SARDH: variants seen among roughly 807,000 people sequenced by gnomAD.
SARDH encodes sarcosine dehydrogenase, mitochondrial.
SARDH carries 95 observed loss-of-function variants against 109.1 expected under a neutral mutation model. That is an observed-to-expected ratio of 0.87 (90% CI 0.74 to 1.03). The LOEUF is 1.03. SARDH is among the 50% of genes least tolerant of loss of function. The probability of loss-of-function intolerance (pLI) is 0.00; values close to 1 mark genes in which losing one functional copy is unlikely to be tolerated. For missense variants in SARDH, 1,267 were observed against 1,287.8 expected, an observed-to-expected ratio of 0.98 and a Z score of 0.25; for synonymous variants, 572 against 534.8, an observed-to-expected ratio of 1.07 and a Z score of -0.96.
In SARDH at chr9:133,694,305, C is replaced by A. The variant is rs762509323; in HGVS notation, c.1874G>T (p.Arg625Leu). 110 of 1,550,374 alleles carry A rather than the reference C, an allele frequency of 7.1e-5. No individual in the cohort carries two copies. Among genetic ancestry groups the A allele is most frequent in the Non-Finnish European group, 9.5e-5 (109 of 1,146,920 alleles). ...GGTESDLTVS[R>L]LAPSHQASPL... The stretch of plus-strand genomic sequence containing the variant: ...GGAGGCCTGGTGGCTGGGTGCCAGG[C>A]GGCTGACAGTCAGGTCACTCTCGGT... The change falls in exon 15 of 21, where the codon CGC (arginine) becomes CTC (leucine). Residue 625 changes from arginine to leucine, a missense_variant. Physicochemically the swap from Arg to Leu is moderately radical, Grantham distance 102 (BLOSUM62 -2). Coordinates refer to ENST00000439388, the MANE Select transcript of SARDH (RefSeq NM_001134707.2).
At position 133,734,110 on chromosome 9, in the gene SARDH, C is replaced by A. The variant is rs35559818; in HGVS notation, c.64G>T (p.Gly22Cys). 2.4e-3 allele frequency: 3,896 copies of A among 1,612,084 alleles called. 83 individuals are homozygous for A. The African/African-American group carries it at 0.043, about 18-fold the overall frequency. Residue 22 changes from glycine (G) to cysteine (C), a missense_variant, in exon 2 of 21, where the codon GGC (glycine) becomes TGC (cysteine). Coordinates refer to ENST00000439388, the MANE Select transcript of SARDH (RefSeq NM_001134707.2). ...CTGGACAGGTTGCATGGCCCCATGCCCCGGGTAGGGCTCTGGCGAGGGTGG... is the reference window on the plus strand; with the variant it reads ...CTGGACAGGTTGCATGGCCCCATGCACCGGGTAGGGCTCTGGCGAGGGTGG... ...AAHPRQSPTR[G>C]MGPCNLSSAA...
chr9:133,732,345 A>G (rs1256123607), intron 3 of SARDH, 78 bp downstream of exon 3: 4 of 538,176 alleles, frequency 7.4e-6, no homozygotes, highest in Non-Finnish European at 1.2e-5. Context: ...CAGGGGGTGC[A>G]CCCACCAATA....
chr9:133,733,228 A>C (rs983912344), intron 2 of SARDH, among the ~76,000 whole-genome samples: 1 of 152,186 alleles, frequency 6.6e-6, no homozygotes, highest in Non-Finnish European at 1.5e-5. Flanking sequence ...TCCCAACTCC[A>C]CAGTCAGTGA....
chr9:133,660,267 T>C (rs1444685683), downstream of SARDH, among the ~76,000 whole-genome samples: 1 of 152,018 alleles, frequency 6.6e-6, no homozygotes. Context: ...GCCATGTAGT[T>C]TCTGTTTCCA....
intron 17 of SARDH, among the ~76,000 whole-genome samples, chr9:133,673,226 C>T (rs1253885836): frequency 1.3e-5 from 2 of 152,264 alleles, no homozygotes; most frequent in Admixed American, 6.5e-5. Flanking sequence ...ATTTTCCTCA[C>T]ACACTTGGTT....
chr9:133,725,876 G>A (rs1832472907), intron 6 of SARDH, among the ~76,000 whole-genome samples: 1 of 152,264 alleles, frequency 6.6e-6, no homozygotes, highest in South Asian at 2.1e-4. Context: ...CCCAGAACTG[G>A]AGATGAGCAC....
At chr9:133,726,836 T>C in intron 6 of SARDH, among the ~76,000 whole-genome samples, 1 of 152,184 alleles carries the variant, frequency 6.6e-6, no homozygotes, top group East Asian at 1.9e-4. Flanking sequence ...TCTGTCCTTG[T>C]CCTTGTCATC....
chr9:133,680,736 G>C (rs1386853400), intron 17 of SARDH, among the ~76,000 whole-genome samples: 1 of 148,912 alleles, frequency 6.7e-6, no homozygotes, highest in African/African-American at 2.6e-5. Context: ...TCGTCCTCCA[G>C]ACACACGCAG....
chr9:133,660,651 T>G (rs1832401138), downstream of SARDH, among the ~76,000 whole-genome samples: 1 of 151,966 alleles, frequency 6.6e-6, no homozygotes, highest in African/African-American at 2.4e-5. Flanking sequence ...GGTCTCCCTA[T>G]CTGCCCACCG....
In SARDH at chr9:133,709,462, C is replaced by A. The variant is rs12350635; in HGVS notation, c.1329-1034G>T. Among the ~76,000 whole-genome samples, 2 of 152,274 alleles carry A rather than the reference C, an allele frequency of 1.3e-5. No individual in the cohort carries two copies. Among genetic ancestry groups the A allele is most frequent in the East Asian group, 3.9e-4 (2 of 5,162 alleles). ...TCAGCCCCCGGCTTTCCCAGCACCC[C>A]GCCTCCCCCTCACGCTCCACCTGCT... On this transcript the variant is annotated intron_variant, in intron 10 of 20. Transcript: ENST00000439388. This position sits in a 1 kb window ranked among gnomAD's most constrained non-coding sequence, Gnocchi z 4.2.
intron 17 of SARDH, 58 bp from the exon 18 acceptor site, chr9:133,671,755 C>T (rs1830360299): frequency 6.6e-7 from 1 of 1,508,078 alleles, no homozygotes; most frequent in Middle Eastern, 1.9e-4. Flanking sequence ...GGTCCAGGCC[C>T]AGGCCACCAC....
intron 17 of SARDH, among the ~76,000 whole-genome samples, chr9:133,683,829 C>T (rs1830784574): frequency 6.6e-6 from 1 of 152,230 alleles, no homozygotes; most frequent in East Asian, 1.9e-4. Context: ...ATTTCCCCAC[C>T]CAAACCCCAG....
chr9:133,697,277 G>C (rs1831319798), intron 13 of SARDH, among the ~76,000 whole-genome samples: 1 of 152,148 alleles, frequency 6.6e-6, no homozygotes, highest in African/African-American at 2.4e-5. Flanking sequence ...ACAAAAAAGA[G>C]ATGGAATTCG....
Position 133,663,989 on chromosome 9 carries a change from C to T in SARDH, c.2657G>A (p.Gly886Glu), listed in dbSNP as rs748271248. The T allele has an allele frequency of 1.2e-6, 2 of 1,614,152 alleles. No homozygotes were observed. Among genetic ancestry groups the T allele is most frequent in the Admixed American group, 1.7e-5 (1 of 60,026 alleles). ...CCCCATTCTCTCCAGGGCATAGTCC[C>T]CGCTCTTCACAAAGTCCAGCGAGAC... ...GPVSLDFVKS[G>E]DYALERMGVT... is the part of the protein sequence containing the mutation. The change falls in exon 21 of 21, where the codon GGG (glycine) becomes GAG (glutamate). Residue 886 changes from glycine (G) to glutamate (E), a missense_variant. By Grantham distance (98) the Gly-to-Glu change is moderately conservative. Transcript: ENST00000439388.
chr9:133,694,415 C>A (rs2131391980), intron 14 of SARDH, 44 bp from the exon 15 acceptor site: 4 of 1,487,594 alleles, frequency 2.7e-6, no homozygotes, highest in Non-Finnish European at 2.8e-6. Context: ...GAGGCCCCAG[C>A]CGGGTCTGTG....
At chr9:133,688,383 A>G (rs919365159) in intron 16 of SARDH, among the ~76,000 whole-genome samples, 2 of 146,174 alleles carry the variant, frequency 1.4e-5, no homozygotes, top group Non-Finnish European at 3.0e-5. Flanking sequence ...GGGTGCTATG[A>G]GCCTCGCCCA....
At chr9:133,684,394 T>C (rs1198226052) in intron 17 of SARDH, among the ~76,000 whole-genome samples, 1 of 152,220 alleles carries the variant, frequency 6.6e-6, no homozygotes, top group Admixed American at 6.5e-5. Flanking sequence ...GCTGTGATGT[T>C]CTCGGAACAG....
chr9:133,717,391 T>C lies in SARDH; in HGVS notation c.1085A>G (p.Glu362Gly). Residue 362 changes from glutamate (E) to glycine (G), a missense_variant, in exon 8 of 21, where the codon GAA (glutamate) becomes GGA (glycine). Transcript: ENST00000439388. ...LDWEVFTQHI[E>G]GAINRVPVLE... ...CACGGGGACCCTGTTGATGGCGCCT[T>C]CAATGTGCTGGGTGAACACCTCCCA... 1 of 1,614,108 alleles carries C rather than the reference T, an allele frequency of 6.2e-7. No homozygotes were observed. Among genetic ancestry groups the C allele is most frequent in the East Asian group, 2.2e-5 (1 of 44,874 alleles).
intron 13 of SARDH, among the ~76,000 whole-genome samples, chr9:133,698,358 A>T (rs1831364022): frequency 6.6e-6 from 1 of 152,260 alleles, no homozygotes. Flanking sequence ...ATTGATCTAC[A>T]GACCTAACAC....
Sources: allele counts gnomAD v4.1 joint callset (sites outside exome capture counted in the v4.1 genomes callset), GRCh38; gene constraint gnomAD v4.1.1; non-coding constraint Gnocchi (gnomAD v3.1); transcripts MANE v1.5; gene names NCBI Gene and HGNC (gene_info 2026-07-23, HGNC 2026-07-21).